The following ZFHX3 variants were observed in gnomAD, a reference collection of about 807,000 sequenced individuals.
ZFHX3 encodes zinc finger homeobox 3.
ZFHX3 carries 42 observed loss-of-function variants against 279.1 expected under a neutral mutation model. The ratio of observed to expected loss-of-function variants is 0.15; its 90% CI spans 0.12 to 0.19. The LOEUF (loss-of-function observed/expected upper bound fraction) is 0.19. ZFHX3 is among the 10% of genes least tolerant of loss of function. ZFHX3 has a pLI of 1.00. For missense variants in ZFHX3, 4,981 were observed against 4,754.0 expected, an observed-to-expected ratio of 1.05 and a Z score of -1.40; for synonymous variants, 2,293 against 1,957.8, an observed-to-expected ratio of 1.17 and a Z score of -4.52.
At chr16:73,616,885 T>C (rs1597029855) in intron 2 of ZFHX3, among the ~76,000 whole-genome samples, 1 of 152,210 alleles carries the variant, frequency 6.6e-6, no homozygotes, top group African/African-American at 2.4e-5. Context: ...CAAGTGCTAT[T>C]GTAGCAAGCT....
chr16:73,209,081 A>G (rs1394188847), intron 5 of ZFHX3, among the ~76,000 whole-genome samples: 1 of 152,210 alleles, frequency 6.6e-6, no homozygotes, highest in African/African-American at 2.4e-5. Flanking sequence ...CTCTACTTTT[A>G]TAGCCTCAAA....
intron 3 of ZFHX3, among the ~76,000 whole-genome samples, chr16:72,917,681 T>C (rs1431548204): frequency 6.6e-6 from 1 of 152,128 alleles, no homozygotes; most frequent in East Asian, 1.9e-4. Flanking sequence ...AATAATAATA[T>C]CACATCTGTA....
chr16:73,089,487 C>G (rs1052193172), intron 8 of ZFHX3, among the ~76,000 whole-genome samples: 1 of 152,182 alleles, frequency 6.6e-6, no homozygotes, highest in African/African-American at 2.4e-5. Context: ...CAGCACAGAG[C>G]TGGGCCACCA....
chr16:72,786,397 T>C lies in ZFHX3; in HGVS notation c.*767A>G, dbSNP rs577461662. ...TTAAGCTACAAGTCCTCAACACTCT[T>C]TGTGTGTGTGGGTTATTATTTTTTT... is the stretch of plus-strand genomic sequence containing the variant. On this transcript the variant is annotated 3_prime_UTR_variant, in exon 10 of 10. Transcript: ENST00000268489. The C allele has an allele frequency of 6.6e-6, 1 of 151,700 alleles. No individual in the cohort carries two copies. The highest frequency in any genetic ancestry group is 1.9e-4 in the East Asian group (1 of 5,150). The allele number at this position is 151,700 out of a possible 1,614,324, so 9.4% of individuals were successfully genotyped here.
chr16:73,296,878 T>TGTTTTTTTTTG (rs780753825), intron 4 of ZFHX3, among the ~76,000 whole-genome samples: 10 of 46,550 alleles, frequency 2.1e-4, no homozygotes, highest in South Asian at 2.2e-3. Context: ...GAAGCAGGAA[T>TGTTTTTTTTTG]TTTTTTTTTT....
intron 3 of ZFHX3, among the ~76,000 whole-genome samples, chr16:72,917,479 A>G (rs1425627263): frequency 6.6e-6 from 1 of 152,236 alleles, no homozygotes; most frequent in Non-Finnish European, 1.5e-5. Context: ...ATAACAGTGA[A>G]AAACTGGAAA....
At chr16:72,818,375 C>T (rs974440305) in intron 5 of ZFHX3, among the ~76,000 whole-genome samples, 1 of 152,192 alleles carries the variant, frequency 6.6e-6, no homozygotes, top group Non-Finnish European at 1.5e-5. Flanking sequence ...GCAATTCCTT[C>T]CCCAGAGGAC....
chr16:73,062,652 C>G (rs566994117), upstream of ZFHX3, among the ~76,000 whole-genome samples: 4 of 151,724 alleles, frequency 2.6e-5, no homozygotes, highest in Non-Finnish European at 5.9e-5. Context: ...CTTAGGAGAT[C>G]TCACTTGGAA....
intron 5 of ZFHX3, among the ~76,000 whole-genome samples, chr16:73,180,465 G>A (rs1301271515): frequency 6.6e-6 from 1 of 152,152 alleles, no homozygotes; most frequent in Non-Finnish European, 1.5e-5. Context: ...GAAGGGAGGC[G>A]GATATAGGAG....
chr16:73,607,217 T>C (rs1347795852), intron 2 of ZFHX3, among the ~76,000 whole-genome samples: 2 of 152,072 alleles, frequency 1.3e-5, no homozygotes, highest in Admixed American at 6.5e-5. Flanking sequence ...TTAGTAGAGA[T>C]GGGGTTTCAC....
chr16:73,435,556 G>A (rs4888286), intron 3 of ZFHX3, among the ~76,000 whole-genome samples: 68,271 of 152,016 alleles, frequency 0.45, 19,216 homozygotes, highest in Non-Finnish European at 0.64. Context: ...GTAGCAACTT[G>A]TGTCCTTAGA....
At chr16:73,076,429 A>G (rs1228347622) in intron 8 of ZFHX3, among the ~76,000 whole-genome samples, 1 of 152,198 alleles carries the variant, frequency 6.6e-6, no homozygotes, top group African/African-American at 2.4e-5. Context: ...CGTTCCAGCC[A>G]TAAAGTTGCT....
At chr16:73,681,765 A>G (rs1385796066) in intron 1 of ZFHX3, among the ~76,000 whole-genome samples, 1 of 152,234 alleles carries the variant, frequency 6.6e-6, no homozygotes, top group Non-Finnish European at 1.5e-5. Context: ...TTTTGTAAGC[A>G]TATGCATTGT....
Position 72,798,320 on chromosome 16 carries a change from C to G in ZFHX3, c.4362G>C (p.Glu1454Asp). Residue 1454 changes from glutamate (E) to aspartate (D), a missense_variant, in exon 9 of 10, where the codon GAG (glutamate) becomes GAC (aspartate). Coordinates refer to ENST00000268489, the MANE Select transcript of ZFHX3 (RefSeq NM_006885.4). The part of the protein sequence containing the change: ...LKKHLETSHL[E>D]LSEADIQQLY... ...GCTGTTGGATGTCAGCCTCACTCAG[C>G]TCCAGGTGGCTTGTCTCAAGGTGCT... The G allele has an allele frequency of 6.2e-7, 1 of 1,614,200 alleles. No individual in the cohort carries two copies. Among genetic ancestry groups the G allele is most frequent in the Non-Finnish European group, 8.5e-7 (1 of 1,180,020 alleles).
At chr16:73,438,237 C>A (rs1597335649) in intron 3 of ZFHX3, among the ~76,000 whole-genome samples, 3 of 152,190 alleles carry the variant, frequency 2.0e-5, no homozygotes, top group Admixed American at 6.5e-5. Flanking sequence ...AGAAAAAGTA[C>A]AGAATAAGGC....
intron 4 of ZFHX3, among the ~76,000 whole-genome samples, chr16:73,270,927 C>T (rs2014127150): frequency 6.6e-6 from 1 of 152,226 alleles, no homozygotes; most frequent in African/African-American, 2.4e-5. Flanking sequence ...AGGGATCTGA[C>T]TAGGTAATGT....
chr16:72,887,073 A>G (rs1453046102), intron 4 of ZFHX3, among the ~76,000 whole-genome samples: 1 of 152,194 alleles, frequency 6.6e-6, no homozygotes, highest in Non-Finnish European at 1.5e-5. Flanking sequence ...TCGAAACCTC[A>G]ACCACTCTAG....
intron 1 of ZFHX3, among the ~76,000 whole-genome samples, chr16:73,873,222 G>A (rs2029872785): frequency 9.6e-6 from 1 of 104,074 alleles, no homozygotes; most frequent in Non-Finnish European, 2.0e-5. Flanking sequence ...GTGGGTGGTG[G>A]GTGGTGGTGG....
chr16:73,400,576 T>G (rs1447430987), intron 3 of ZFHX3: 1 of 152,120 alleles, frequency 6.6e-6, no homozygotes, highest in Non-Finnish European at 1.5e-5. Context: ...TCTATAATAA[T>G]GTGATTCCAA....
Sources: allele counts gnomAD v4.1 joint callset (sites outside exome capture counted in the v4.1 genomes callset), GRCh38; gene constraint gnomAD v4.1.1; transcripts MANE v1.5; gene names NCBI Gene and HGNC (gene_info 2026-07-23, HGNC 2026-07-21).